The following KIF16B variants were observed in gnomAD, a reference collection of about 807,000 sequenced individuals.
KIF16B encodes the protein kinesin family member 16B, also known as kinesin-like protein KIF16B.
Under a neutral mutation model 156.3 loss-of-function variants are expected in KIF16B, and 98 were observed. That is an observed-to-expected ratio of 0.63 (90% CI 0.53 to 0.74). The LOEUF (loss-of-function observed/expected upper bound fraction) is 0.74. KIF16B is among the 30% of genes least tolerant of loss of function. The probability of loss-of-function intolerance (pLI) is 0.00; values close to 1 mark genes in which losing one functional copy is unlikely to be tolerated. For missense variants in KIF16B, 1,421 were observed against 1,606.5 expected, an observed-to-expected ratio of 0.88 and a Z score of 1.97; for synonymous variants, 564 against 583.7, an observed-to-expected ratio of 0.97 and a Z score of 0.49.
At chr20:16,409,761 T>C (rs1366659603) in intron 15 of KIF16B, among the ~76,000 whole-genome samples, 1 of 151,254 alleles carries the variant, frequency 6.6e-6, no homozygotes, top group Non-Finnish European at 1.5e-5. Flanking sequence ...AATGCATCAC[T>C]AGTTGAATGG....
chr20:16,342,435 C>A (rs1039918057), intron 23 of KIF16B, among the ~76,000 whole-genome samples: 4 of 152,112 alleles, frequency 2.6e-5, no homozygotes, highest in Non-Finnish European at 5.9e-5. Flanking sequence ...TTTTACTTTT[C>A]AAATTAGGTA....
intron 12 of KIF16B, among the ~76,000 whole-genome samples, chr20:16,478,437 C>T (rs1198049114): frequency 1.3e-5 from 2 of 152,180 alleles, no homozygotes; most frequent in Admixed American, 6.5e-5. Flanking sequence ...CCTTTATCCA[C>T]GGCTTTACTT....
chr20:16,480,751 T>C (rs1338850993), intron 12 of KIF16B, among the ~76,000 whole-genome samples: 1 of 152,230 alleles, frequency 6.6e-6, no homozygotes, highest in Non-Finnish European at 1.5e-5. Flanking sequence ...ATGAGCTGCA[T>C]ATACCATCTC....
At chr20:16,431,937 C>T (rs1364026764) in intron 12 of KIF16B, among the ~76,000 whole-genome samples, 1 of 149,714 alleles carries the variant, frequency 6.7e-6, no homozygotes, top group Non-Finnish European at 1.5e-5. Flanking sequence ...CACACACACA[C>T]ACGCACAAGT....
chr20:16,355,768 A>C (rs1350408007), intron 23 of KIF16B, among the ~76,000 whole-genome samples: 1 of 151,794 alleles, frequency 6.6e-6, no homozygotes, highest in African/African-American at 2.4e-5. Context: ...GTATAAATCA[A>C]GAAACACTTG....
chr20:16,400,716 G>A (rs1214018734), intron 17 of KIF16B, among the ~76,000 whole-genome samples: 1 of 152,208 alleles, frequency 6.6e-6, no homozygotes, highest in Non-Finnish European at 1.5e-5. Context: ...GCTATATGGT[G>A]GATGAACATG....
chr20:16,485,892 CAT>C (rs1242123447), intron 12 of KIF16B, among the ~76,000 whole-genome samples: 1 of 151,940 alleles, frequency 6.6e-6, no homozygotes, highest in Non-Finnish European at 1.5e-5. Flanking sequence ...TATATACACA[CAT>C]ATATATACAT....
intron 12 of KIF16B, among the ~76,000 whole-genome samples, chr20:16,445,478 A>T (rs2066909213): frequency 6.6e-6 from 1 of 150,394 alleles, no homozygotes; most frequent in Non-Finnish European, 1.5e-5. Flanking sequence ...CAGGGACTTT[A>T]TGAAACTAAT....
chr20:16,391,319 C>A (rs1156993360), intron 17 of KIF16B, among the ~76,000 whole-genome samples: 2 of 152,154 alleles, frequency 1.3e-5, no homozygotes, highest in Non-Finnish European at 2.9e-5. Context: ...GCCCATGAGT[C>A]CTCTATCACA....
intron 23 of KIF16B, among the ~76,000 whole-genome samples, chr20:16,345,658 C>T (rs1294575747): frequency 1.3e-5 from 2 of 152,294 alleles, no homozygotes; most frequent in Admixed American, 6.5e-5. Context: ...CTAAAAGACA[C>T]GTTAAGAAAC....
Position 16,370,598 on chromosome 20 carries a change from T to A in KIF16B, c.3486A>T (p.Lys1162Asn). Residue 1162 changes from lysine to asparagine, a missense_variant, in exon 22 of 26, where the codon AAA becomes AAT. Physicochemically the swap from Lys to Asn is moderately conservative, Grantham distance 94. Transcript: ENST00000354981. The part of the protein sequence containing the change: ...EKLHNGTIQR[K>N]LKYERMVSRS... Reference sequence around the variant, plus strand: ...AATCATTACCTACCTCATATTTTAGTTTACGTTGAATGGTGCCATTGTGAA... The same window carrying A: ...AATCATTACCTACCTCATATTTTAGATTACGTTGAATGGTGCCATTGTGAA... 6.3e-7 allele frequency: 1 copy of A among 1,579,802 alleles called. No homozygotes were observed. The highest frequency in any genetic ancestry group is 8.5e-7 in the Non-Finnish European group (1 of 1,169,836).
Position 16,284,372 on chromosome 20 carries a change from T to C in KIF16B, c.3796-10961A>G, listed in dbSNP as rs115903531. Among the ~76,000 whole-genome samples, 541 of 152,238 alleles carry C rather than the reference T, an allele frequency of 3.6e-3. 5 individuals carry two copies. Among genetic ancestry groups the C allele is most frequent in the African/African-American group, 0.012 (510 of 41,544 alleles). On this transcript the variant is annotated intron_variant, in intron 25 of 25. Transcript: ENST00000354981. Reference sequence around the variant, plus strand: ...TCTTTCAAAACAACTTGCAAACCCTTCTCCTTCCCCAGTAAGCCTCAACCT... The same window carrying C: ...TCTTTCAAAACAACTTGCAAACCCTCCTCCTTCCCCAGTAAGCCTCAACCT...
At chr20:16,448,114 C>T (rs972270132) in intron 12 of KIF16B, among the ~76,000 whole-genome samples, 6 of 152,182 alleles carry the variant, frequency 3.9e-5, no homozygotes, top group African/African-American at 1.4e-4. Context: ...CCAACCCAAC[C>T]ATCCCCATTG....
At chr20:16,448,590 A>G (rs2066996871) in intron 12 of KIF16B, among the ~76,000 whole-genome samples, 1 of 152,182 alleles carries the variant, frequency 6.6e-6, no homozygotes, top group South Asian at 2.1e-4. Flanking sequence ...AACCATCAAA[A>G]GCAAAACAAA....
Position 16,525,220 on chromosome 20 carries a change from CT to C in KIF16B, c.231+871del, listed in dbSNP as rs779978811. Among the ~76,000 whole-genome samples the C allele has an allele frequency of 1.2e-4, 18 of 152,136 alleles. No homozygotes were observed. The East Asian group carries it at 1.3e-3, about 11-fold the overall frequency. On this transcript the variant is annotated intron_variant, in intron 3 of 25. Coordinates refer to ENST00000354981, the MANE Select transcript of KIF16B (RefSeq NM_024704.5). ...GAAACAAGCACTTTTTCATACCCTACTTTTCGAGATGCCATTGCATGGATTA... is the reference window on the plus strand; with the variant it reads ...GAAACAAGCACTTTTTCATACCCTACTTTCGAGATGCCATTGCATGGATTA...
At chr20:16,450,654 T>C (rs1005063537) in intron 12 of KIF16B, among the ~76,000 whole-genome samples, 2 of 152,144 alleles carry the variant, frequency 1.3e-5, no homozygotes, top group Non-Finnish European at 1.5e-5. Context: ...GGCTGTGAGT[T>C]TCATGAGAAA....
At chr20:16,506,566 T>C (rs1026728272) in intron 7 of KIF16B, among the ~76,000 whole-genome samples, 2 of 152,170 alleles carry the variant, frequency 1.3e-5, no homozygotes, top group Admixed American at 6.5e-5. Context: ...CTTTCCAAAA[T>C]ATGATCAATA....
chr20:16,472,552 TTAA>T (rs2067691461), intron 12 of KIF16B, among the ~76,000 whole-genome samples: 1 of 11,064 alleles, frequency 9.0e-5, no homozygotes, highest in Non-Finnish European at 1.8e-4. Flanking sequence ...GCATCTGAAA[TTAA>T]AAAAAAAAAA....
At chr20:16,298,818 T>C (rs2063428673) in intron 25 of KIF16B, among the ~76,000 whole-genome samples, 1 of 151,808 alleles carries the variant, frequency 6.6e-6, no homozygotes, top group African/African-American at 2.4e-5. Flanking sequence ...CGGTGAACAA[T>C]GCCACGGAGT....
Sources: allele counts gnomAD v4.1 joint callset (sites outside exome capture counted in the v4.1 genomes callset), GRCh38; gene constraint gnomAD v4.1.1; transcripts MANE v1.5; gene names NCBI Gene and HGNC (gene_info 2026-07-23, HGNC 2026-07-21).